Variants in HGSNAT observed in about 807,000 individuals in gnomAD.
HGSNAT encodes transmembrane protein 76.
In HGSNAT, 59 loss-of-function variants were observed where a neutral mutation model predicts 85.2. The observed-to-expected ratio is 0.69, with a 90% confidence interval of 0.56 to 0.86. HGSNAT has a LOEUF of 0.86. HGSNAT is among the 40% of genes least tolerant of loss of function. The pLI, the probability that HGSNAT is intolerant of heterozygous loss-of-function variation, is 0.00. For missense variants in HGSNAT, 756 were observed against 777.1 expected, an observed-to-expected ratio of 0.97 and a Z score of 0.32; for synonymous variants, 321 against 304.5, an observed-to-expected ratio of 1.05 and a Z score of -0.56.
At chr8:43,149,436 C>T (rs1326827162) in intron 2 of HGSNAT, among the ~76,000 whole-genome samples, 1 of 152,106 alleles carries the variant, frequency 6.6e-6, no homozygotes, top group Non-Finnish European at 1.5e-5. Flanking sequence ...CGGTGGCTCA[C>T]GCCTATAATC....
chr8:43,160,997 TCCTTCTCAGTG>T (rs1256630624), intron 4 of HGSNAT, among the ~76,000 whole-genome samples: 1 of 152,212 alleles, frequency 6.6e-6, no homozygotes, highest in Non-Finnish European at 1.5e-5. Flanking sequence ...CGAGGCTGGG[TCCTTCTCAGTG>T]CCTTGTGTGA....
At chr8:43,179,698 G>C (rs1803975999) in intron 10 of HGSNAT, among the ~76,000 whole-genome samples, 1 of 9,972 alleles carries the variant, frequency 1.0e-4, no homozygotes, top group African/African-American at 4.6e-4. Context: ...GGGGCGGCTG[G>C]CCAGGTGGGG....
chr8:43,194,489 T>G, intron 14 of HGSNAT: 1 of 985,432 alleles, frequency 1.0e-6, no homozygotes, highest in Non-Finnish European at 1.2e-6. Context: ...TCACACTTCT[T>G]TCATGTACAC....
chr8:43,152,567 C>T (rs544029933), intron 2 of HGSNAT, among the ~76,000 whole-genome samples: 1 of 152,234 alleles, frequency 6.6e-6, no homozygotes, highest in Admixed American at 6.5e-5. Context: ...CCTTCTGCTT[C>T]AGCCTCTCAA....
intron 2 of HGSNAT, among the ~76,000 whole-genome samples, chr8:43,150,272 G>A (rs1040292739): frequency 2.0e-5 from 3 of 151,858 alleles, no homozygotes; most frequent in East Asian, 3.9e-4. Context: ...TTTTTTATAA[G>A]TAAGATGTTC....
chr8:43,187,243 G>A (rs1236404692), intron 11 of HGSNAT, among the ~76,000 whole-genome samples: 1 of 152,186 alleles, frequency 6.6e-6, no homozygotes, highest in Non-Finnish European at 1.5e-5. Flanking sequence ...ACAGTGGGTT[G>A]TTAAAGTCTC....
Position 43,150,968 on chromosome 8 carries a change from A to C in HGSNAT, c.234+3905A>C, listed in dbSNP as rs1453505110. Among the ~76,000 whole-genome samples the C allele has an allele frequency of 2.0e-5, 3 of 152,148 alleles. No homozygotes were observed. In the East Asian group the frequency reaches 5.8e-4, roughly 29 times the overall value. On this transcript the variant is annotated intron_variant, in intron 2 of 17. Transcript: ENST00000379644. ...TGCACTCATAAAGAATACAATGAAAACTTGTACTTTTTGATGAAGTAGATA... is the reference window on the plus strand; with the variant it reads ...TGCACTCATAAAGAATACAATGAAACCTTGTACTTTTTGATGAAGTAGATA...
intron 11 of HGSNAT, among the ~76,000 whole-genome samples, chr8:43,183,809 C>T (rs561397447): frequency 5.9e-5 from 9 of 152,210 alleles, no homozygotes; most frequent in South Asian, 4.2e-4. Flanking sequence ...CAACAGGCCC[C>T]GGTGTGTGAT....
At chr8:43,181,140 GGAGAGGGAGAGGGAGAGGGA>G (rs1586738909) in intron 10 of HGSNAT, among the ~76,000 whole-genome samples, 1 of 98 alleles carries the variant, frequency 0.01, no homozygotes, top group Non-Finnish European at 0.045. Context: ...AGAGGGAGAG[GGAGAGGGAGAGGGAGAGGGA>G]GAGGGAGAGG....
intron 2 of HGSNAT, among the ~76,000 whole-genome samples, chr8:43,150,692 G>GT (rs1802883787): frequency 1.3e-5 from 2 of 152,030 alleles, no homozygotes; most frequent in Non-Finnish European, 2.9e-5. Context: ...AAATTAGCCA[G>GT]GCATGGTGGT....
intron 11 of HGSNAT, among the ~76,000 whole-genome samples, chr8:43,188,147 C>T (rs1804387792): frequency 6.6e-6 from 1 of 152,062 alleles, no homozygotes; most frequent in African/African-American, 2.4e-5. Flanking sequence ...TGAGGAGTAT[C>T]TTTGTGGTGT....
chr8:43,188,323 T>G (rs890999571), intron 11 of HGSNAT, among the ~76,000 whole-genome samples: 1 of 152,244 alleles, frequency 6.6e-6, no homozygotes, highest in African/African-American at 2.4e-5. Flanking sequence ...CCCATATTTC[T>G]TGGAGCTTTG....
chr8:43,165,148 G>A (rs896298545), intron 5 of HGSNAT, among the ~76,000 whole-genome samples: 1 of 145,848 alleles, frequency 6.9e-6, no homozygotes, highest in African/African-American at 2.5e-5. Context: ...CCAACAGCAT[G>A]TGCTCACTTC....
At chr8:43,190,594 G>A (rs553224395) in intron 11 of HGSNAT, among the ~76,000 whole-genome samples, 25 of 152,320 alleles carry the variant, frequency 1.6e-4, no homozygotes, top group Admixed American at 4.6e-4. Flanking sequence ...CTGAGGGTCC[G>A]CGGAGGTGCA....
rs763301637 is a variant in HGSNAT, at chr8:43,192,383, C to G, written c.1330C>G (p.Arg444Gly). The G allele has an allele frequency of 5.6e-6, 9 of 1,613,112 alleles. No individual in the cohort carries two copies. The South Asian group carries it at 8.8e-5, about 16-fold the overall frequency. Residue 444 changes from arginine (R) to glycine (G), a missense_variant, in exon 13 of 18, where the codon CGC becomes GGC. By Grantham distance (125) the Arg-to-Gly change is moderately radical. Transcript: ENST00000379644. Reference sequence around the variant, plus strand: ...TGGAGGAGCTGCAGGCTACATCGACCGCCTGCTGCTGGGAGACGATCACCT... The same window carrying G: ...TGGAGGAGCTGCAGGCTACATCGACGGCCTGCTGCTGGGAGACGATCACCT... ...CTGGAAGYID[R>G]LLLGDDHLYQ... is the part of the protein sequence containing the mutation.
At chr8:43,170,563 C>T in intron 6 of HGSNAT, 22 bp from the exon 7 acceptor site, 1 of 1,534,414 alleles carries the variant, frequency 6.5e-7, no homozygotes, top group South Asian at 1.2e-5. Flanking sequence ...GAGTTGTCAT[C>T]TTTCTCCCTT....
At chr8:43,171,378 A>G (rs1307662540) in intron 7 of HGSNAT, among the ~76,000 whole-genome samples, 1 of 152,166 alleles carries the variant, frequency 6.6e-6, no homozygotes, top group Non-Finnish European at 1.5e-5. Context: ...ACTTGCTAAC[A>G]ATTCTGGAGT....
At chr8:43,166,194 G>A (rs967056544) in intron 5 of HGSNAT, among the ~76,000 whole-genome samples, 7 of 152,122 alleles carry the variant, frequency 4.6e-5, no homozygotes, top group African/African-American at 1.4e-4. Flanking sequence ...AAGGTGAAGC[G>A]GCAAGTGCTG....
chr8:43,154,945 A>T (rs1803045154), intron 2 of HGSNAT, among the ~76,000 whole-genome samples: 1 of 152,202 alleles, frequency 6.6e-6, no homozygotes, highest in Non-Finnish European at 1.5e-5. Context: ...ATGGCCAGTG[A>T]TGATGAGCAT....
Sources: gnomAD v4.1 joint callset for allele counts (sites outside exome capture counted in the v4.1 genomes callset) on GRCh38, gnomAD v4.1.1 for gene constraint, MANE v1.5 for transcripts, NCBI Gene and HGNC (gene_info 2026-07-23, HGNC 2026-07-21) for gene names.